The following DRC4 variants were observed in gnomAD, a reference collection of about 807,000 sequenced individuals.
DRC4 encodes dynein regulatory complex subunit 4.
chr16:90,027,060 A>G, the DRC4 span, among the ~76,000 whole-genome samples: 123 of 147,060 alleles, frequency 8.4e-4, 1 homozygote, highest in South Asian at 0.022. Context: ...CTATAGGCAC[A>G]CACCAGCACA....
the DRC4 span, chr16:90,035,846 A>G: frequency 1.3e-6 from 2 of 1,524,194 alleles, no homozygotes; most frequent in Admixed American, 2.0e-5. Flanking sequence ...AGGCCAGTGG[A>G]CCCACTCAGA....
the DRC4 span, chr16:90,032,847 A>C: frequency 1.9e-6 from 3 of 1,613,972 alleles, no homozygotes; most frequent in Non-Finnish European, 2.5e-6. Context: ...TGTGCTGCGC[A>C]AGGACATGCG....
At chr16:90,042,467 C>T in the DRC4 span, 4 of 1,613,828 alleles carry the variant, frequency 2.5e-6, no homozygotes, top group Non-Finnish European at 2.5e-6. Context: ...TCTCTCTCCT[C>T]AGGATGTTCT....
the DRC4 span, among the ~76,000 whole-genome samples, chr16:90,022,886 C>G: frequency 6.6e-6 from 1 of 152,182 alleles, no homozygotes; most frequent in African/African-American, 2.4e-5. Context: ...GTGGGGCAAA[C>G]TCAGGATGCT....
chr16:90,026,720 A>G, the DRC4 span, among the ~76,000 whole-genome samples: 1 of 151,560 alleles, frequency 6.6e-6, no homozygotes. Flanking sequence ...GTCTCGTTCT[A>G]CTGCCCAGGC....
the DRC4 span, chr16:90,043,073 A>T: frequency 8.7e-7 from 1 of 1,144,232 alleles, no homozygotes; most frequent in African/African-American, 1.6e-5. Context: ...AATGACTGAT[A>T]AGCCTTTGGC....
chr16:90,044,796 T>G, the DRC4 span: 1 of 304,406 alleles, frequency 3.3e-6, no homozygotes, highest in Non-Finnish European at 6.6e-6. Context: ...GGGACACCAC[T>G]GCCCTGTCTT....
chr16:90,040,226 G>A, the DRC4 span: 1 of 1,410,352 alleles, frequency 7.1e-7, no homozygotes. Flanking sequence ...TGCAGAGGTG[G>A]GAGGCAGCAT....
At chr16:90,038,747 C>T in the DRC4 span, among the ~76,000 whole-genome samples, 3 of 152,162 alleles carry the variant, frequency 2.0e-5, no homozygotes, top group African/African-American at 4.8e-5. Flanking sequence ...CATCTCATTT[C>T]GTGGGCACTT....
At chr16:90,043,756 C>G in the DRC4 span, 4 of 474,312 alleles carry the variant, frequency 8.4e-6, no homozygotes, top group Admixed American at 9.4e-5. Flanking sequence ...ACACCTGAGT[C>G]ACAGCTGCCC....
chr16:90,042,451 A>G, the DRC4 span: 2 of 1,612,864 alleles, frequency 1.2e-6, no homozygotes, highest in African/African-American at 2.7e-5. Flanking sequence ...TCAAACTCCC[A>G]TCACCTCTCT....
the DRC4 span, chr16:90,027,484 G>T: frequency 1.4e-6 from 1 of 697,084 alleles, no homozygotes; most frequent in Non-Finnish European, 2.6e-6. Context: ...GTGGTAAAGG[G>T]TGGGAACACT....
the DRC4 span, chr16:90,043,353 C>CG: frequency 1.1e-5 from 18 of 1,603,548 alleles, no homozygotes; most frequent in East Asian, 1.3e-4. Context: ...TAGCTGCCCC[C>CG]CTGGGGGGCC....
the DRC4 span, among the ~76,000 whole-genome samples, chr16:90,023,536 A>G: frequency 2.0e-5 from 3 of 152,186 alleles, no homozygotes; most frequent in Non-Finnish European, 4.4e-5. Context: ...AATGCTAAGT[A>G]ATGCTGAACC....
At chr16:90,044,713 G>T in the DRC4 span, 692 of 426,488 alleles carry the variant, frequency 1.6e-3, 3 homozygotes, top group South Asian at 3.0e-3. Context: ...CTCAGACACT[G>T]CCCTGCCACC....
the DRC4 span, among the ~76,000 whole-genome samples, chr16:90,034,004 C>G: frequency 2.6e-5 from 4 of 151,884 alleles, no homozygotes; most frequent in Admixed American, 2.6e-4. Flanking sequence ...GGAGACGGGT[C>G]AGAGCTCGTC....
At chr16:90,040,313 G>T in the DRC4 span, 2 of 1,588,274 alleles carry the variant, frequency 1.3e-6, no homozygotes, top group African/African-American at 1.3e-5. Context: ...CAGCAGGAGC[G>T]GGACGAGCTC....
At chr16:90,034,361 C>T in the DRC4 span, among the ~76,000 whole-genome samples, 1 of 152,170 alleles carries the variant, frequency 6.6e-6, no homozygotes, top group African/African-American at 2.4e-5. Flanking sequence ...CGGTGGCTCA[C>T]GCCTGTAATC....
At chr16:90,043,804 G>T in the DRC4 span, 1 of 469,512 alleles carries the variant, frequency 2.1e-6, no homozygotes, top group Non-Finnish European at 4.4e-6. Context: ...TCCCTAGGAA[G>T]TGGTGAGCCA....
Sources: allele counts gnomAD v4.1 joint callset (sites outside exome capture counted in the v4.1 genomes callset), GRCh38; gene constraint gnomAD v4.1.1; transcripts MANE v1.5; gene names NCBI Gene and HGNC (gene_info 2026-07-23, HGNC 2026-07-21).